Variants in PNKD observed in about 807,000 individuals in gnomAD.
PNKD encodes the protein PNKD metallo-beta-lactamase domain containing, also known as probable thioesterase PNKD.
PNKD carries 36 observed loss-of-function variants against 45.3 expected under a neutral mutation model. That is an observed-to-expected ratio of 0.80 (90% CI 0.61 to 1.05). The LOEUF is 1.05. Ranked by LOEUF, PNKD falls within the 50% of genes least tolerant of loss-of-function variation. The pLI is 0.00. For synonymous variants in PNKD, 197 were observed against 210.1 expected (o/e 0.94, Z 0.54); for missense variants, 511 against 506.6 (o/e 1.01, Z -0.08).
Position 218,288,346 on chromosome 2 carries a change from A to G in PNKD, c.236+16797A>G, listed in dbSNP as rs529330810. Among the ~76,000 whole-genome samples the G allele has an allele frequency of 7.2e-4, 110 of 152,178 alleles. 2 individuals carry two copies. In the South Asian group the frequency reaches 0.02, roughly 27 times the overall value. On this transcript the variant is annotated intron_variant, in intron 2 of 9. Transcript: ENST00000273077. ...CGGGAGGCTGAGGCAGAAGAATGGC[A>G]TGAACCCGGGAGGCGGAGCTTGCAG... is the stretch of plus-strand genomic sequence containing the variant.
chr2:218,317,576 A>G (rs1032318362), intron 2 of PNKD, among the ~76,000 whole-genome samples: 1 of 152,228 alleles, frequency 6.6e-6, no homozygotes, highest in African/African-American at 2.4e-5. Context: ...ACCTGGAGAC[A>G]ATGTAGGAGA....
At chr2:218,279,660 A>G in intron 2 of PNKD, 3 of 488,756 alleles carry the variant, frequency 6.1e-6, no homozygotes, top group South Asian at 2.4e-5. Context: ...TGCACGCTCT[A>G]TGCAGCTGTG....
chr2:218,318,859 C>T (rs1693891827), intron 2 of PNKD, among the ~76,000 whole-genome samples: 1 of 150,346 alleles, frequency 6.7e-6, no homozygotes, highest in South Asian at 2.1e-4. Context: ...AGGTGGTGAG[C>T]AAAGGCCTCA....
Position 218,277,456 on chromosome 2 carries a change from G to A in PNKD, c.236+5907G>A, listed in dbSNP as rs749932616. 3 of 1,613,946 alleles carry A rather than the reference G, an allele frequency of 1.9e-6. No homozygotes were observed. The highest frequency in any genetic ancestry group is 1.3e-5 in the African/African-American group (1 of 74,910). On this transcript the variant is annotated intron_variant, in intron 2 of 9. Coordinates refer to ENST00000273077, the MANE Select transcript of PNKD (RefSeq NM_015488.5). ...TGACGGCTTTGGTTTGGTACATACT[G>A]GGGAGAAGCAGGAGTTACAGACAAG...
intron 2 of PNKD, among the ~76,000 whole-genome samples, chr2:218,307,247 G>T (rs1693437930): frequency 6.6e-6 from 1 of 151,986 alleles, no homozygotes; most frequent in African/African-American, 2.4e-5. Flanking sequence ...AGGCAATGGG[G>T]TTAGGGGGGT....
intron 2 of PNKD, among the ~76,000 whole-genome samples, chr2:218,314,071 GCCA>G (rs759795387): frequency 2.7e-5 from 4 of 150,898 alleles, no homozygotes; most frequent in Admixed American, 6.6e-5. Context: ...ACAGGCATGT[GCCA>G]CCACACCCGG....
intron 2 of PNKD, among the ~76,000 whole-genome samples, chr2:218,292,040 C>T (rs1354194520): frequency 6.6e-6 from 1 of 152,072 alleles, no homozygotes; most frequent in Non-Finnish European, 1.5e-5. Context: ...CTGGCTGTCT[C>T]CCCTCCCTCT....
chr2:218,318,950 C>CTTTTTTTTTTT (rs769001811), intron 2 of PNKD, among the ~76,000 whole-genome samples: 17 of 99,902 alleles, frequency 1.7e-4, no homozygotes, highest in Middle Eastern at 7.5e-3. Flanking sequence ...TTTTTTTTTT[C>CTTTTTTTTTTT]TTTTTTTTTT....
At chr2:218,323,135 G>T in intron 2 of PNKD, 4 of 1,314,634 alleles carry the variant, frequency 3.0e-6, no homozygotes, top group Non-Finnish European at 3.9e-6. Context: ...CCAAAGGAGA[G>T]GTCAATGGGC....
rs56100300 is a variant in PNKD, at chr2:218,293,927, TAAAAAAAAAAAAA to T, written c.236+22388_236+22400del. On this transcript the variant is annotated intron_variant, in intron 2 of 9. Transcript: ENST00000273077. ...CACGTCCAGCCCCAAAACAGAGATTTAAAAAAAAAAAAAAAAAAAAAAGACAGATTTTTAAAAA... is the reference window on the plus strand; with the variant it reads ...CACGTCCAGCCCCAAAACAGAGATTTAAAAAAAAAGACAGATTTTTAAAAA... Among the ~76,000 whole-genome samples, 435 of 118,870 alleles carry T rather than the reference TAAAAAAAAAAAAA, an allele frequency of 3.7e-3. 2 individuals carry two copies. Among genetic ancestry groups the T allele is most frequent in the African/African-American group, 0.013 (412 of 31,426 alleles). The allele number at this position is 118,870 out of a possible 152,430, so 78.0% of individuals were successfully genotyped here.
intron 2 of PNKD, chr2:218,323,188 G>A: frequency 1.4e-6 from 2 of 1,385,196 alleles, no homozygotes; most frequent in East Asian, 3.1e-5. Flanking sequence ...CCGGCAGGCA[G>A]GTTCCCCGCG....
intron 2 of PNKD, among the ~76,000 whole-genome samples, chr2:218,276,522 G>A (rs1691228271): frequency 6.6e-6 from 1 of 152,126 alleles, no homozygotes; most frequent in Non-Finnish European, 1.5e-5. Context: ...GCCCACAGGT[G>A]GCCGTCCACA....
chr2:218,272,634 C>G, intron 2 of PNKD: 1 of 1,614,112 alleles, frequency 6.2e-7, no homozygotes, highest in Non-Finnish European at 8.5e-7. Context: ...GGACAAGGAC[C>G]GTGTGAAGCA....
At chr2:218,275,722 G>T in intron 2 of PNKD, 2 of 1,396,006 alleles carry the variant, frequency 1.4e-6, no homozygotes, top group Non-Finnish European at 1.9e-6. Flanking sequence ...GCCACACAGT[G>T]CTTAGGGCCA....
intron 2 of PNKD, among the ~76,000 whole-genome samples, chr2:218,285,501 T>TGG (rs1013638181): frequency 6.6e-6 from 1 of 152,088 alleles, no homozygotes; most frequent in African/African-American, 2.4e-5. Context: ...GCTCACAGCC[T>TGG]GGCCAACGGC....
chr2:218,292,032 G>A (rs1692963638), intron 2 of PNKD, among the ~76,000 whole-genome samples: 1 of 151,568 alleles, frequency 6.6e-6, no homozygotes, highest in Admixed American at 6.6e-5. Context: ...GCCAGGCCCT[G>A]GCTGTCTCCC....
chr2:218,271,995 T>C (rs1690855043), intron 2 of PNKD, among the ~76,000 whole-genome samples: 1 of 152,216 alleles, frequency 6.6e-6, no homozygotes, highest in African/African-American at 2.4e-5. Flanking sequence ...TTTTTCTGCA[T>C]GTGAGGTGTG....
chr2:218,293,001 G>T (rs1693031483), intron 2 of PNKD, among the ~76,000 whole-genome samples: 1 of 152,190 alleles, frequency 6.6e-6, no homozygotes, highest in Non-Finnish European at 1.5e-5. Flanking sequence ...ATTTCCTACT[G>T]GAGGCCGTTT....
intron 2 of PNKD, among the ~76,000 whole-genome samples, chr2:218,329,014 C>A (rs977195851): frequency 6.6e-6 from 1 of 152,172 alleles, no homozygotes; most frequent in Non-Finnish European, 1.5e-5. Flanking sequence ...TTGAGACCAG[C>A]CTGGTCAACA....
Sources: gnomAD v4.1 joint callset for allele counts (sites outside exome capture counted in the v4.1 genomes callset) on GRCh38, gnomAD v4.1.1 for gene constraint, MANE v1.5 for transcripts, NCBI Gene and HGNC (gene_info 2026-07-23, HGNC 2026-07-21) for gene names.